Variants in TAFA1 observed in about 807,000 individuals in gnomAD.
TAFA1 encodes the protein TAFA chemokine like family member 1.
Under a neutral mutation model 18.5 loss-of-function variants are expected in TAFA1, and 4 were observed. The observed-to-expected ratio is 0.22, with a 90% CI of 0.11 to 0.49. The LOEUF (loss-of-function observed/expected upper bound fraction) is 0.49. Ranked by LOEUF, TAFA1 falls within the 20% of genes least tolerant of loss-of-function variation. The pLI, the probability that TAFA1 is intolerant of heterozygous loss-of-function variation, is 0.98. For synonymous variants in TAFA1, 56 were observed against 55.2 expected, an observed-to-expected ratio of 1.01 and a Z score of -0.06; for missense variants, 147 against 169.0, an observed-to-expected ratio of 0.87 and a Z score of 0.72.
intron 2 of TAFA1, among the ~76,000 whole-genome samples, chr3:68,327,701 GC>G (rs1422024589): frequency 6.6e-6 from 1 of 152,168 alleles, no homozygotes; most frequent in African/African-American, 2.4e-5. Context: ...GGGTATTACT[GC>G]CCAGTGCACA....
chr3:68,061,119 T>C (rs2064596958), intron 2 of TAFA1, among the ~76,000 whole-genome samples: 1 of 152,142 alleles, frequency 6.6e-6, no homozygotes, highest in Non-Finnish European at 1.5e-5. Context: ...CAGCAGCCAA[T>C]GAGAATACTG....
chr3:68,348,970 T>C (rs2069215430), intron 2 of TAFA1, among the ~76,000 whole-genome samples: 1 of 151,894 alleles, frequency 6.6e-6, no homozygotes, highest in African/African-American at 2.4e-5. Flanking sequence ...AGAAGCTTTT[T>C]GCTTCTAAAA....
chr3:68,002,924 T>C (rs907012028), upstream of TAFA1, among the ~76,000 whole-genome samples: 11 of 152,246 alleles, frequency 7.2e-5, no homozygotes, highest in Non-Finnish European at 1.5e-4. Context: ...TAGCATCTGG[T>C]GAAGGTTTGA....
chr3:68,318,537 G>T (rs1184406402), intron 2 of TAFA1, among the ~76,000 whole-genome samples: 1 of 152,154 alleles, frequency 6.6e-6, no homozygotes, highest in Non-Finnish European at 1.5e-5. Flanking sequence ...GCACTGCAGT[G>T]CATTCCTACA....
intron 3 of TAFA1, among the ~76,000 whole-genome samples, chr3:68,520,457 A>G (rs147961857): frequency 5.3e-5 from 8 of 152,344 alleles, no homozygotes; most frequent in African/African-American, 1.2e-4. Flanking sequence ...ATACTTCACT[A>G]TAAGAGCAAC....
chr3:68,023,262 C>T (rs543912780), intron 2 of TAFA1, among the ~76,000 whole-genome samples: 20 of 152,242 alleles, frequency 1.3e-4, no homozygotes, highest in South Asian at 4.1e-4. Context: ...TTCTTGCTCA[C>T]GCCACTGTCT....
chr3:68,389,333 T>A (rs928333368), intron 2 of TAFA1, among the ~76,000 whole-genome samples: 1 of 152,230 alleles, frequency 6.6e-6, no homozygotes, highest in African/African-American at 2.4e-5. Context: ...GGCCTCTTTG[T>A]GACTAAAAAT....
At chr3:68,529,713 A>AGAGAG (rs1270459181) in intron 3 of TAFA1, among the ~76,000 whole-genome samples, 1 of 152,114 alleles carries the variant, frequency 6.6e-6, no homozygotes, top group East Asian at 1.9e-4. Flanking sequence ...GAAGCAAGGG[A>AGAGAG]GAGAGGAGAG....
chr3:68,256,957 G>A (rs1332081561), intron 2 of TAFA1, among the ~76,000 whole-genome samples: 2 of 152,032 alleles, frequency 1.3e-5, no homozygotes, highest in African/African-American at 2.4e-5. Context: ...ACTGGTTCAT[G>A]TCATTCCTAC....
chr3:68,062,216 G>A (rs1385740708), intron 2 of TAFA1, among the ~76,000 whole-genome samples: 3 of 152,074 alleles, frequency 2.0e-5, no homozygotes, highest in Admixed American at 6.6e-5. Context: ...AGACTATCAA[G>A]GTGAATCAAG....
intron 2 of TAFA1, among the ~76,000 whole-genome samples, chr3:68,234,264 C>T (rs535547787): frequency 1.3e-4 from 20 of 152,336 alleles, no homozygotes; most frequent in African/African-American, 4.8e-4. Flanking sequence ...AAGCTAGATA[C>T]TGACTTCGTG....
intron 2 of TAFA1, among the ~76,000 whole-genome samples, chr3:68,144,495 G>A (rs1342666593): frequency 6.6e-6 from 1 of 152,116 alleles, no homozygotes; most frequent in African/African-American, 2.4e-5. Context: ...GAACAGCTGT[G>A]GGGACAAAAC....
intron 2 of TAFA1, among the ~76,000 whole-genome samples, chr3:68,019,931 C>T (rs1704653124): frequency 1.3e-5 from 2 of 152,204 alleles, no homozygotes; most frequent in African/African-American, 4.8e-5. Context: ...CCAGATTCAA[C>T]CTCTGAATCC....
At chr3:68,106,216 A>G (rs2065202056) in intron 2 of TAFA1, among the ~76,000 whole-genome samples, 1 of 152,098 alleles carries the variant, frequency 6.6e-6, no homozygotes, top group Non-Finnish European at 1.5e-5. Context: ...ACTTCACACC[A>G]TATACAAAGA....
chr3:68,081,150 G>A (rs1395395924), intron 2 of TAFA1, among the ~76,000 whole-genome samples: 1 of 152,104 alleles, frequency 6.6e-6, no homozygotes, highest in Non-Finnish European at 1.5e-5. Flanking sequence ...TCGAGCCTTG[G>A]TTTTCATCTC....
chr3:68,215,440 G>C (rs1199222220), intron 2 of TAFA1, among the ~76,000 whole-genome samples: 1 of 151,966 alleles, frequency 6.6e-6, no homozygotes. Context: ...AATCTTGCTT[G>C]GATTTGGTGA....
At chr3:68,536,098 C>T (rs116149083) in intron 3 of TAFA1, among the ~76,000 whole-genome samples, 2,698 of 152,266 alleles carry the variant, frequency 0.018, 39 homozygotes, top group Non-Finnish European at 0.028. Context: ...TCACATTCCT[C>T]ACATAAAAGT....
At chr3:68,207,818 C>A (rs952558677) in intron 2 of TAFA1, among the ~76,000 whole-genome samples, 1 of 151,914 alleles carries the variant, frequency 6.6e-6, no homozygotes, top group African/African-American at 2.4e-5. Flanking sequence ...ATTAGATGCC[C>A]TTGTTATTCC....
At chr3:68,410,629 AG>A (rs1300151272) in intron 2 of TAFA1, among the ~76,000 whole-genome samples, 2 of 136,532 alleles carry the variant, frequency 1.5e-5, no homozygotes, top group East Asian at 4.6e-4. Context: ...ATTAGATAAT[AG>A]GTTACTTCAT....
Sources: allele counts gnomAD v4.1 joint callset (sites outside exome capture counted in the v4.1 genomes callset), GRCh38; gene constraint gnomAD v4.1.1; transcripts MANE v1.5; gene names NCBI Gene and HGNC (gene_info 2026-07-23, HGNC 2026-07-21).